Variants in CDH5 observed in about 807,000 individuals in gnomAD.
The protein encoded by CDH5 is cadherin 5, also known as cadherin-5.
A neutral mutation model predicts 62.0 loss-of-function variants in CDH5; 28 were observed. That is an observed-to-expected ratio of 0.45 (90% CI 0.33 to 0.62). CDH5 has a LOEUF of 0.62. Among genes scored for constraint, CDH5 ranks in the 20% least tolerant of loss-of-function variants. The pLI, the probability that CDH5 is intolerant of heterozygous loss-of-function variation, is 0.02. For synonymous variants in CDH5, 464 were observed against 445.8 expected (o/e 1.04, Z -0.52); for missense variants, 940 against 1,065.1 (o/e 0.88, Z 1.63).
In CDH5 at chr16:66,404,775, G is replaced by C. The variant is rs1293780523; in HGVS notation, c.*1606G>C. The stretch of plus-strand genomic sequence containing the variant: ...ATACCTAAATAAAGAAAAATCTTTA[G>C]CCTGGGCAACATAGGGAGACCCTAT... On this transcript the variant is annotated 3_prime_UTR_variant, in exon 12 of 12. Transcript: ENST00000341529. 5 of 152,306 alleles carry C rather than the reference G, an allele frequency of 3.3e-5. No individual in the cohort carries two copies. The highest frequency in any genetic ancestry group is 7.4e-5 in the Non-Finnish European group (5 of 67,992). 9.4% of individuals were successfully genotyped at this position (152,306 alleles called of 1,614,324 possible).
intron 2 of CDH5, among the ~76,000 whole-genome samples, chr16:66,383,130 T>C (rs1037604112): frequency 5.3e-5 from 8 of 151,948 alleles, no homozygotes; most frequent in Admixed American, 4.6e-4. Flanking sequence ...TCTAAGAAAC[T>C]ATCACAGCCA....
intron 3 of CDH5, 70 bp downstream of exon 3, chr16:66,387,167 C>T (rs1034924128): frequency 2.4e-5 from 34 of 1,432,076 alleles, no homozygotes; most frequent in Non-Finnish European, 6.7e-6. Flanking sequence ...TCACATCAGC[C>T]ACTTCACTGC....
intron 2 of CDH5, among the ~76,000 whole-genome samples, chr16:66,382,789 C>T (rs188960849): frequency 3.3e-4 from 51 of 152,310 alleles, no homozygotes; most frequent in Non-Finnish European, 6.9e-4. Context: ...CAAGGATCAC[C>T]TCCGGCTCCT....
At chr16:66,372,566 G>T (rs568334604) in intron 1 of CDH5, among the ~76,000 whole-genome samples, 50 of 152,292 alleles carry the variant, frequency 3.3e-4, no homozygotes, top group African/African-American at 1.1e-3. Flanking sequence ...AGAAAGAGCC[G>T]CAGGAGCCCC....
intron 8 of CDH5, 76 bp from the exon 9 acceptor site, chr16:66,397,906 C>T: frequency 6.3e-6 from 10 of 1,591,204 alleles, no homozygotes; most frequent in Middle Eastern, 1.7e-4. Flanking sequence ...TAGGGCAGCC[C>T]TCCTTCCACA....
chr16:66,374,230 G>GC (rs1462013167), intron 1 of CDH5, among the ~76,000 whole-genome samples: 1 of 152,182 alleles, frequency 6.6e-6, no homozygotes, highest in Non-Finnish European at 1.5e-5. Flanking sequence ...ACCGTCCCAG[G>GC]CGAGAAAGAG....
At chr16:66,379,109 C>A in intron 1 of CDH5, 2 of 546,288 alleles carry the variant, frequency 3.7e-6, no homozygotes, top group South Asian at 2.8e-5. Flanking sequence ...CTTAAATGCG[C>A]TTGTTTACTC....
intron 1 of CDH5, among the ~76,000 whole-genome samples, chr16:66,372,972 T>G (rs907729013): frequency 7.2e-5 from 11 of 152,296 alleles, no homozygotes; most frequent in Admixed American, 4.6e-4. Flanking sequence ...CCTGGATGCC[T>G]GGGACACTGC....
Position 66,392,196 on chromosome 16 carries a change from A to G in CDH5, c.1030A>G (p.Ile344Val). ...SFIVEATDPT[I>V]DLRYMSPPAG... ...CATCGTCGAGGCCACAGACCCCACC[A>G]TCGACCTCCGATACATGAGCCCTCC... The change falls in exon 7 of 12, where the codon ATC becomes GTC. Residue 344 changes from isoleucine to valine, a missense_variant. Physicochemically the swap from Ile to Val is conservative, Grantham distance 29. Transcript: ENST00000341529. 1 of 1,614,110 alleles carries G rather than the reference A, an allele frequency of 6.2e-7. No individual in the cohort carries two copies. The highest frequency in any genetic ancestry group is 1.6e-4 in the Middle Eastern group (1 of 6,062).
chr16:66,374,527 C>G (rs12446898), intron 1 of CDH5, among the ~76,000 whole-genome samples: 76,004 of 151,982 alleles, frequency 0.5, 21,322 homozygotes, highest in African/African-American at 0.75. Context: ...GCTGGACACA[C>G]AACAGAATCC....
chr16:66,388,649 C>T (rs1961028463), intron 4 of CDH5, among the ~76,000 whole-genome samples: 1 of 152,166 alleles, frequency 6.6e-6, no homozygotes, highest in Non-Finnish European at 1.5e-5. Flanking sequence ...AAGAGGTGGA[C>T]TCAAGTCCAG....
At chr16:66,385,453 A>C (rs1476474255) in intron 2 of CDH5, among the ~76,000 whole-genome samples, 1 of 152,248 alleles carries the variant, frequency 6.6e-6, no homozygotes, top group Non-Finnish European at 1.5e-5. Flanking sequence ...TCTTTTCTGC[A>C]GAGCTGTACA....
At chr16:66,401,720 T>G (rs760888248) in intron 11 of CDH5, among the ~76,000 whole-genome samples, 4 of 152,126 alleles carry the variant, frequency 2.6e-5, no homozygotes, top group Non-Finnish European at 5.9e-5. Flanking sequence ...TGGAGCCTCC[T>G]CCCATAGGGT....
intron 1 of CDH5, among the ~76,000 whole-genome samples, chr16:66,367,786 C>G (rs980297018): frequency 1.3e-5 from 2 of 152,222 alleles, no homozygotes; most frequent in African/African-American, 4.8e-5. Flanking sequence ...AGCCCCAGCT[C>G]TCCCCAGGTC....
intron 1 of CDH5, chr16:66,377,803 C>G (rs1164411627): frequency 1.3e-5 from 2 of 152,184 alleles, no homozygotes; most frequent in Admixed American, 1.3e-4. Flanking sequence ...GCCAAGGTCA[C>G]AGCCTGCACT....
intron 11 of CDH5, among the ~76,000 whole-genome samples, chr16:66,401,566 G>A (rs1205776311): frequency 6.6e-6 from 1 of 152,146 alleles, no homozygotes; most frequent in East Asian, 1.9e-4. Context: ...GATTTCCCAG[G>A]GAGCAGCCCT....
chr16:66,371,220 T>C (rs928545746), intron 1 of CDH5, among the ~76,000 whole-genome samples: 9 of 152,144 alleles, frequency 5.9e-5, no homozygotes, highest in Admixed American at 2.0e-4. Flanking sequence ...CCCACAGAGT[T>C]TGGGGGTCAC....
chr16:66,381,764 G>A (rs1268517207), intron 2 of CDH5, among the ~76,000 whole-genome samples: 2 of 152,124 alleles, frequency 1.3e-5, no homozygotes, highest in East Asian at 3.9e-4. Context: ...CCACTGCCTG[G>A]ACTTGCAAAT....
rs1960838533 is a variant in CDH5 at position 66,379,202 on chromosome 16, T to A, written c.-19-117T>A. ...ACAATAATGTTAATTACCCGCAGAT[T>A]GTGTTTGCCCCAGGCTTTTGGCATT... On this transcript the variant is annotated intron_variant, in intron 1 of 11. Transcript: ENST00000341529. 4.0e-6 allele frequency: 3 copies of A among 743,812 alleles called. No individual in the cohort carries two copies. In the Admixed American group the frequency reaches 7.1e-5, roughly 18 times the overall value. The allele number at this position is 743,812 out of a possible 1,614,324, so 46.1% of individuals were successfully genotyped here. A position where few individuals can be genotyped will look rare whatever the true frequency, so the allele number is the denominator to read the frequency against.
Sources: allele counts gnomAD v4.1 joint callset (sites outside exome capture counted in the v4.1 genomes callset), GRCh38; gene constraint gnomAD v4.1.1; transcripts MANE v1.5; gene names NCBI Gene and HGNC (gene_info 2026-07-23, HGNC 2026-07-21).